ANKS1B: variants seen among roughly 807,000 people sequenced by gnomAD.
ANKS1B encodes the protein ankyrin repeat and sterile alpha motif domain-containing protein 1B.
Under a neutral mutation model 148.3 loss-of-function variants are expected in ANKS1B, and 36 were observed. The observed-to-expected ratio is 0.24, with a 90% CI of 0.19 to 0.32. ANKS1B has a LOEUF of 0.32. Among genes scored for constraint, ANKS1B ranks in the 10% least tolerant of loss-of-function variants. The pLI is 1.00. For missense variants in ANKS1B, 1,157 were observed against 1,542.6 expected (o/e 0.75, Z 4.19); for synonymous variants, 542 against 560.8 (o/e 0.97, Z 0.47).
chr12:99,163,705 T>C (rs1022497046), intron 14 of ANKS1B, among the ~76,000 whole-genome samples: 6 of 152,198 alleles, frequency 3.9e-5, no homozygotes, highest in South Asian at 4.1e-4. Flanking sequence ...GAATGTTACA[T>C]GAATAAAATC....
At chr12:98,903,457 C>T (rs977654488) in intron 17 of ANKS1B, among the ~76,000 whole-genome samples, 1 of 152,276 alleles carries the variant, frequency 6.6e-6, no homozygotes, top group Admixed American at 6.5e-5. Flanking sequence ...ACTCTTCTCA[C>T]TGGGGCTTCT....
intron 17 of ANKS1B, among the ~76,000 whole-genome samples, chr12:98,929,101 C>A (rs1219383843): frequency 6.6e-6 from 1 of 151,486 alleles, no homozygotes; most frequent in African/African-American, 2.4e-5. Flanking sequence ...GATACAAGAT[C>A]AATACACAAG....
chr12:99,712,957 T>A (rs1013095951), intron 8 of ANKS1B, among the ~76,000 whole-genome samples: 4 of 152,148 alleles, frequency 2.6e-5, no homozygotes, highest in Admixed American at 2.6e-4. Flanking sequence ...TATTAGCCTG[T>A]TTTCTAACTG....
Position 99,954,317 on chromosome 12 carries a change from C to T in ANKS1B, c.134+29787G>A, listed in dbSNP as rs1478710712. Reference sequence around the variant, plus strand: ...CTTGCTAATTTCTGACTAATAAAAGCGTTAATTCCAGGCTAATTAAGCCTT... The same window carrying T: ...CTTGCTAATTTCTGACTAATAAAAGTGTTAATTCCAGGCTAATTAAGCCTT... On this transcript the variant is annotated intron_variant, in intron 1 of 26. Coordinates refer to ENST00000683438, the MANE Select transcript of ANKS1B (RefSeq NM_001352186.2). Among the ~76,000 whole-genome samples, 5 of 152,312 alleles carry T rather than the reference C, an allele frequency of 3.3e-5. No individual in the cohort carries two copies. The East Asian group carries it at 5.8e-4, about 18-fold the overall frequency.
intron 17 of ANKS1B, among the ~76,000 whole-genome samples, chr12:99,006,830 C>T (rs989903859): frequency 1.3e-5 from 2 of 152,056 alleles, no homozygotes; most frequent in Non-Finnish European, 2.9e-5. Flanking sequence ...ACTCTTCTGT[C>T]ATTTAGTATG....
chr12:99,171,262 A>T (rs946885049), intron 14 of ANKS1B, among the ~76,000 whole-genome samples: 2 of 152,220 alleles, frequency 1.3e-5, no homozygotes, highest in Non-Finnish European at 2.9e-5. Flanking sequence ...CTTCTTCCTT[A>T]TGGAGAAAAA....
intron 14 of ANKS1B, among the ~76,000 whole-genome samples, chr12:99,199,742 G>A (rs763685833): frequency 6.6e-6 from 1 of 152,092 alleles, no homozygotes; most frequent in Non-Finnish European, 1.5e-5. Context: ...GAGATAGAAG[G>A]TAGAAAAGCT....
intron 12 of ANKS1B, among the ~76,000 whole-genome samples, chr12:99,315,035 G>C (rs2154027828): frequency 6.6e-6 from 1 of 152,022 alleles, no homozygotes; most frequent in South Asian, 2.1e-4. Flanking sequence ...ATGAGGTCAA[G>C]AGATCAAGAC....
chr12:99,350,335 A>C (rs1489302460), intron 12 of ANKS1B, among the ~76,000 whole-genome samples: 1 of 151,978 alleles, frequency 6.6e-6, no homozygotes, highest in Admixed American at 6.6e-5. Flanking sequence ...ATACAGGCTC[A>C]GGTATTTTTT....
At chr12:99,142,185 C>T (rs1301413565) in intron 15 of ANKS1B, among the ~76,000 whole-genome samples, 1 of 148,386 alleles carries the variant, frequency 6.7e-6, no homozygotes, top group African/African-American at 2.5e-5. Flanking sequence ...ATAACAGAGA[C>T]AAGGTTAGAA....
intron 9 of ANKS1B, among the ~76,000 whole-genome samples, chr12:99,526,658 G>A (rs574567598): frequency 1.3e-5 from 2 of 152,022 alleles, no homozygotes; most frequent in South Asian, 2.1e-4. Flanking sequence ...GCCTTGCTTG[G>A]TCAGCCACTT....
At chr12:99,943,306 A>G (rs998016007) in intron 1 of ANKS1B, among the ~76,000 whole-genome samples, 3 of 152,176 alleles carry the variant, frequency 2.0e-5, no homozygotes, top group Non-Finnish European at 4.4e-5. Flanking sequence ...ATTAGATGTC[A>G]CTGTAGGCAC....
intron 8 of ANKS1B, among the ~76,000 whole-genome samples, chr12:99,681,421 C>A (rs2098616190): frequency 6.6e-6 from 1 of 152,208 alleles, no homozygotes; most frequent in Admixed American, 6.5e-5. Context: ...ACCAAGGACA[C>A]TCACGGAGTC....
At chr12:99,394,582 TACTTA>T (rs896270029) in intron 12 of ANKS1B, among the ~76,000 whole-genome samples, 1 of 152,150 alleles carries the variant, frequency 6.6e-6, no homozygotes, top group African/African-American at 2.4e-5. Context: ...GTCCTCATCC[TACTTA>T]ACTTATCAGC....
At chr12:99,180,647 T>TA (rs398020806) in intron 14 of ANKS1B, among the ~76,000 whole-genome samples, 1 of 147,916 alleles carries the variant, frequency 6.8e-6, no homozygotes, top group Non-Finnish European at 1.5e-5. Flanking sequence ...TTTTTTTTTT[T>TA]AATCTGAACG....
At chr12:98,811,837 T>A (rs1160801844) in intron 19 of ANKS1B, among the ~76,000 whole-genome samples, 2 of 152,056 alleles carry the variant, frequency 1.3e-5, no homozygotes, top group Non-Finnish European at 2.9e-5. Context: ...ACAGGAAAAT[T>A]CCCACTTAGC....
intron 10 of ANKS1B, among the ~76,000 whole-genome samples, chr12:99,480,277 G>A (rs779807860): frequency 6.6e-6 from 1 of 151,662 alleles, no homozygotes; most frequent in Non-Finnish European, 1.5e-5. Context: ...TTCAAACTTA[G>A]CTTCTTCATG....
intron 4 of ANKS1B, among the ~76,000 whole-genome samples, chr12:99,793,375 G>A (rs1468091684): frequency 1.3e-5 from 2 of 151,902 alleles, no homozygotes; most frequent in Non-Finnish European, 2.9e-5. Flanking sequence ...ACCCAGAATA[G>A]CCAAAGCAAA....
chr12:99,839,261 T>A lies in ANKS1B; in HGVS notation c.135-13872A>T, dbSNP rs1013545311. 7.9e-5 allele frequency among the ~76,000 whole-genome samples: 12 copies of A among 152,260 alleles called. No individual in the cohort carries two copies. The South Asian group carries it at 2.5e-3, about 32-fold the overall frequency. ...AAATTGTCAAATTTAAAAAAAAGTT[T>A]TGGCTGTAATTGCATTAAACTTATA... On this transcript the variant is annotated intron_variant, in intron 1 of 26. Coordinates refer to ENST00000683438, the MANE Select transcript of ANKS1B (RefSeq NM_001352186.2).
Sources: gnomAD v4.1 joint callset for allele counts (sites outside exome capture counted in the v4.1 genomes callset) on GRCh38, gnomAD v4.1.1 for gene constraint, MANE v1.5 for transcripts, NCBI Gene and HGNC (gene_info 2026-07-23, HGNC 2026-07-21) for gene names.